Variants in SLC49A3 observed in about 807,000 individuals in gnomAD.
SLC49A3 encodes the protein solute carrier family 49 member A3.
SLC49A3 carries 50 observed loss-of-function variants against 43.8 expected under a neutral mutation model. The ratio of observed to expected loss-of-function variants is 1.14; its 90% CI spans 0.91 to 1.45. SLC49A3 has a LOEUF of 1.45. SLC49A3 is among the 40% of genes most tolerant of loss of function. SLC49A3 has a pLI of 0.00. For missense variants in SLC49A3, 906 were observed against 774.1 expected (o/e 1.17, Z -2.02); for synonymous variants, 413 against 352.0 (o/e 1.17, Z -1.94).
At chr4:690,109 T>G (rs9997898), upstream of SLC49A3, among the ~76,000 whole-genome samples, 6,774 of 152,316 alleles carry the variant, frequency 0.044, 246 homozygotes, top group African/African-American at 0.1. Context: ...GCCTGTCCAT[T>G]TTCCACACCT....
In SLC49A3 at chr4:684,541, A is replaced by C. The variant is rs1272343284; in HGVS notation, c.782T>G (p.Ile261Ser). Residue 261 changes from isoleucine to serine, a missense_variant, in exon 6 of 10, where the codon ATC becomes AGC. Coordinates refer to ENST00000322224, the MANE Select transcript of SLC49A3 (RefSeq NM_032219.4). The stretch of plus-strand genomic sequence containing the variant: ...CAGGAGGGCTGAGAAGCTGGCAGAG[A>C]TCCCGATCATTCCCCCCAAGCACAC... ...LAVCLGGMIG[I>S]SASFSALLEQ... 6.2e-7 allele frequency: 1 copy of C among 1,612,998 alleles called. No homozygotes were observed. Among genetic ancestry groups the C allele is most frequent in the East Asian group, 2.2e-5 (1 of 44,870 alleles).
chr4:681,308 C>T (rs997579473), downstream of SLC49A3, among the ~76,000 whole-genome samples: 3 of 152,098 alleles, frequency 2.0e-5, no homozygotes, highest in African/African-American at 7.2e-5. Flanking sequence ...ACGGAACTGG[C>T]TCAGAGGGAT....
intron 6 of SLC49A3, 101 bp downstream of exon 6, chr4:684,382 C>G: frequency 6.6e-7 from 1 of 1,516,392 alleles, no homozygotes; most frequent in South Asian, 1.2e-5. Context: ...ATGTGGCCCC[C>G]GCCAGGGTCG....
rs550855859 is a variant in SLC49A3, at chr4:683,036, G to C, written c.1152-146C>G. Reference sequence around the variant, plus strand: ...GCAGCCTCGGTCATGGGCCCTATCAGCCGGCCCGGCCTGCACACAGCAGGT... The same window carrying C: ...GCAGCCTCGGTCATGGGCCCTATCACCCGGCCCGGCCTGCACACAGCAGGT... On this transcript the variant is annotated intron_variant, in intron 8 of 9. Coordinates refer to ENST00000322224, the MANE Select transcript of SLC49A3 (RefSeq NM_032219.4). 43 of 1,112,720 alleles carry C rather than the reference G, an allele frequency of 3.9e-5. No homozygotes were observed. In the African/African-American group the frequency reaches 6.4e-4, roughly 17 times the overall value. 68.9% of individuals were successfully genotyped at this position (1,112,720 alleles called of 1,614,324 possible).
chr4:687,775 G>C (rs1048735482), intron 1 of SLC49A3: 2 of 152,404 alleles, frequency 1.3e-5, no homozygotes, highest in Non-Finnish European at 2.9e-5. Flanking sequence ...TGCCTTCCGG[G>C]GTGGGTGTTG....
downstream of SLC49A3, among the ~76,000 whole-genome samples, chr4:677,580 T>C (rs1738975460): frequency 6.6e-6 from 1 of 152,142 alleles, no homozygotes; most frequent in Admixed American, 6.5e-5. Flanking sequence ...AGACAGAGTG[T>C]GCTTGGCAGA....
upstream of SLC49A3, among the ~76,000 whole-genome samples, chr4:689,818 A>C (rs184127300): frequency 1.4e-3 from 207 of 152,280 alleles, 4 homozygotes; most frequent in Admixed American, 0.013. Flanking sequence ...TAGGATGGAG[A>C]GGCCTGTGTG....
In SLC49A3 at chr4:686,656, A is replaced by C; in HGVS notation, c.170T>G (p.Ile57Ser). The change falls in exon 2 of 10, where the codon ATT (isoleucine) becomes AGT (serine). Residue 57 changes from isoleucine (I) to serine (S), a missense_variant. Transcript: ENST00000322224. ...WLSFAPVADV[I>S]AEDLVLSMEQ... is the part of the protein sequence containing the mutation. ...CATGGACAGGACCAAGTCCTCAGCAATGACGTCAGCCACAGGTGCAAAGCT... is the reference window on the plus strand; with the variant it reads ...CATGGACAGGACCAAGTCCTCAGCACTGACGTCAGCCACAGGTGCAAAGCT... The C allele has an allele frequency of 6.2e-7, 1 of 1,613,190 alleles. No homozygotes were observed. The highest frequency in any genetic ancestry group is 1.1e-5 in the South Asian group (1 of 91,086).
chr4:676,915 G>A (rs1738895893), downstream of SLC49A3: 4 of 985,390 alleles, frequency 4.1e-6, no homozygotes, highest in Non-Finnish European at 4.8e-6. Flanking sequence ...CGCTGGACCT[G>A]GGGATGGCAC....
chr4:682,010 A>G lies in SLC49A3; in HGVS notation c.1628T>C (p.Ile543Thr). 7.0e-7 allele frequency: 1 copy of G among 1,425,510 alleles called. No individual in the cohort carries two copies. Among genetic ancestry groups the G allele is most frequent in the Non-Finnish European group, 9.3e-7 (1 of 1,075,690 alleles). The allele number at this position is 1,425,510 out of a possible 1,614,324, so 88.3% of individuals were successfully genotyped here. Residue 543 changes from isoleucine to threonine, a missense_variant, in exon 10 of 10, where the codon ATT (isoleucine) becomes ACT (threonine). Coordinates refer to ENST00000322224, the MANE Select transcript of SLC49A3 (RefSeq NM_032219.4). ...GGAGGAGTGAGACCCAGCCGGGTCA[A>G]TAAACCTGGACGCTTGGACCCTGCC... ...LAGRVQASRF[I>T]DPAGSHSSFS...
At chr4:681,328 G>C (rs1739476825), downstream of SLC49A3, among the ~76,000 whole-genome samples, 1 of 152,048 alleles carries the variant, frequency 6.6e-6, no homozygotes, top group Admixed American at 6.5e-5. Context: ...TCAGGTCAGC[G>C]GTTGGAGACC....
downstream of SLC49A3, chr4:678,524 C>G: frequency 6.9e-7 from 1 of 1,456,214 alleles, no homozygotes. Context: ...GCATGCTCCT[C>G]AGCTGTCTGG....
At chr4:678,815 T>TG (rs775657716), downstream of SLC49A3, 1 of 1,608,714 alleles carries the variant, frequency 6.2e-7, no homozygotes, top group East Asian at 2.2e-5. Context: ...GAGCCTGTGC[T>TG]GGGAAGACCC....
chr4:683,558 T>TG, intron 7 of SLC49A3, 51 bp downstream of exon 7: 11 of 1,571,814 alleles, frequency 7.0e-6, no homozygotes, highest in Non-Finnish European at 8.6e-6. Context: ...TCTCCGGGCC[T>TG]CACCACCCAC....
chr4:678,776 C>G, downstream of SLC49A3: 1 of 1,608,442 alleles, frequency 6.2e-7, no homozygotes, highest in Non-Finnish European at 8.5e-7. Flanking sequence ...GTGAGACTTT[C>G]CTGCTTCACT....
intron 7 of SLC49A3, 113 bp downstream of exon 7, chr4:683,496 G>T: frequency 6.7e-7 from 1 of 1,494,664 alleles, no homozygotes; most frequent in Non-Finnish European, 9.0e-7. Flanking sequence ...GCTGGCAGAG[G>T]CTGGGCATGA....
At chr4:685,000 T>G (rs1740702521) in intron 4 of SLC49A3, 144 bp from the exon 5 acceptor site, 2 of 1,163,068 alleles carry the variant, frequency 1.7e-6, no homozygotes, top group Non-Finnish European at 2.3e-6. Context: ...AGCTGCCCTT[T>G]GCGAGGCCCA....
At chr4:683,437 G>A (rs1740265690) in intron 7 of SLC49A3, 70 bp from the exon 8 acceptor site, 2 of 1,551,290 alleles carry the variant, frequency 1.3e-6, no homozygotes, top group Non-Finnish European at 1.7e-6. Context: ...GGCTTCACGG[G>A]ACATGGGACA....
chr4:682,101 G>A lies in SLC49A3; in HGVS notation c.1537C>T (p.Arg513Ter), dbSNP rs200030801. The change falls in exon 10 of 10, where the codon CGA (arginine) becomes TGA (stop). Residue 513 changes from arginine to a stop codon, truncating the protein, a stop_gained. Transcript: ENST00000322224. LOFTEE classifies it low-confidence loss of function (END_TRUNC). The stretch of plus-strand genomic sequence containing the variant: ...GGGCCTTGCGCACGGGGAGTCGCTC[G>A]GTGGCAGGCTGGGTGGGGGCTCCCG... Reference protein sequence around the residue: ...GPGSPHPACHRATPRAQGPAA... With the variant: ...GPGSPHPACH 4.8e-5 allele frequency: 66 copies of A among 1,375,778 alleles called. No individual in the cohort carries two copies. In the African/African-American group the frequency reaches 9.6e-4, roughly 20 times the overall value. 85.2% of individuals were successfully genotyped at this position (1,375,778 alleles called of 1,614,324 possible).
Sources: gnomAD v4.1 joint callset for allele counts (sites outside exome capture counted in the v4.1 genomes callset) on GRCh38, gnomAD v4.1.1 for gene constraint, MANE v1.5 for transcripts, NCBI Gene and HGNC (gene_info 2026-07-23, HGNC 2026-07-21) for gene names.